COL5A2: variants seen among roughly 807,000 people sequenced by gnomAD.
The protein encoded by COL5A2 is collagen type V alpha 2 chain, also known as collagen alpha-2(V) chain.
In COL5A2, 23 loss-of-function variants were observed where a neutral mutation model predicts 208.2. The ratio of observed to expected loss-of-function variants is 0.11; its 90% confidence interval spans 0.08 to 0.16. COL5A2 has a LOEUF of 0.16. Among genes scored for constraint, COL5A2 ranks in the 10% least tolerant of loss-of-function variants. The pLI, the probability that COL5A2 is intolerant of heterozygous loss-of-function variation, is 1.00. For missense variants in COL5A2, 1,590 were observed against 1,956.4 expected (o/e 0.81, Z 3.53); for synonymous variants, 625 against 628.5 (o/e 0.99, Z 0.08).
chr2:189,399,940 A>G, the COL5A2 span, among the ~76,000 whole-genome samples: 2 of 152,122 alleles, frequency 1.3e-5, no homozygotes, highest in Non-Finnish European at 2.9e-5. Context: ...GGCTCAAGCA[A>G]TACTCCTGCC....
At chr2:189,154,019 C>T (rs1688196836) in intron 1 of COL5A2, among the ~76,000 whole-genome samples, 1 of 152,106 alleles carries the variant, frequency 6.6e-6, no homozygotes. Context: ...CTGGCACTTT[C>T]AGTCATATTA....
intron 1 of COL5A2, among the ~76,000 whole-genome samples, chr2:189,194,912 G>A (rs1408354988): frequency 1.3e-5 from 2 of 152,098 alleles, no homozygotes; most frequent in African/African-American, 4.8e-5. Context: ...ACTGATTTGT[G>A]TATGTTGAAC....
At chr2:189,251,091 C>A in the COL5A2 span, among the ~76,000 whole-genome samples, 2 of 152,004 alleles carry the variant, frequency 1.3e-5, no homozygotes, top group Admixed American at 1.3e-4. Flanking sequence ...TACATGTGAG[C>A]AAGTGTAGAA....
chr2:189,389,077 G>C, the COL5A2 span, among the ~76,000 whole-genome samples: 1 of 151,994 alleles, frequency 6.6e-6, no homozygotes, highest in Non-Finnish European at 1.5e-5. Flanking sequence ...TAAATTTTTA[G>C]GAGTTTTTTT....
chr2:189,089,834 AC>A lies in COL5A2; in HGVS notation c.568-1063del, dbSNP rs1461910968. ...GAATGATGCCCATACAAGACAATAA[AC>A]TTGATCAATAAATATTGTGTGTGTT... On this transcript the variant is annotated intron_variant, in intron 7 of 53. Coordinates refer to ENST00000374866, the MANE Select transcript of COL5A2 (RefSeq NM_000393.5). Among the ~76,000 whole-genome samples the A allele has an allele frequency of 5.3e-5, 8 of 152,288 alleles. 1 individual carries two copies. In the South Asian group the frequency reaches 1.7e-3, roughly 32 times the overall value.
At chr2:189,322,187 G>C in the COL5A2 span, among the ~76,000 whole-genome samples, 3 of 152,130 alleles carry the variant, frequency 2.0e-5, no homozygotes, top group African/African-American at 7.2e-5. Context: ...AGTGTGTAGA[G>C]GGAAATTTAT....
chr2:189,438,272 C>G, the COL5A2 span, among the ~76,000 whole-genome samples: 1 of 150,902 alleles, frequency 6.6e-6, no homozygotes, highest in South Asian at 2.1e-4. Context: ...TATGGAAATG[C>G]AAAAATAGTA....
At chr2:189,390,154 C>T in the COL5A2 span, among the ~76,000 whole-genome samples, 1 of 151,862 alleles carries the variant, frequency 6.6e-6, no homozygotes, top group Admixed American at 6.6e-5. Flanking sequence ...GAAGTAGGCC[C>T]CCTGAGGCTG....
At chr2:189,068,149 C>T (rs1686194129) in intron 20 of COL5A2, 36 bp from the exon 21 acceptor site, 1 of 1,604,092 alleles carries the variant, frequency 6.2e-7, no homozygotes, top group Non-Finnish European at 8.5e-7. Flanking sequence ...TAAGTAGAGA[C>T]ACAGGTAGCA....
At chr2:189,368,105 C>T in the COL5A2 span, among the ~76,000 whole-genome samples, 1 of 152,158 alleles carries the variant, frequency 6.6e-6, no homozygotes, top group Non-Finnish European at 1.5e-5. Context: ...TCTTGTTTCT[C>T]AGCAATCCTG....
the COL5A2 span, among the ~76,000 whole-genome samples, chr2:189,439,834 A>C: frequency 6.6e-6 from 1 of 152,256 alleles, no homozygotes; most frequent in Admixed American, 6.5e-5. Flanking sequence ...AGTCACACTA[A>C]TTTGAGTGAA....
At chr2:189,038,705 T>C (rs957279380) in intron 51 of COL5A2, among the ~76,000 whole-genome samples, 3 of 152,192 alleles carry the variant, frequency 2.0e-5, no homozygotes, top group African/African-American at 7.2e-5. Context: ...TTGTGACTTT[T>C]TTATTTTTTT....
chr2:189,257,158 C>T, the COL5A2 span, among the ~76,000 whole-genome samples: 2 of 152,186 alleles, frequency 1.3e-5, no homozygotes, highest in South Asian at 4.1e-4. Context: ...TTGTCCTCCA[C>T]ATGGTTGGAC....
chr2:189,315,981 G>C, the COL5A2 span, among the ~76,000 whole-genome samples: 3 of 152,134 alleles, frequency 2.0e-5, no homozygotes, highest in Non-Finnish European at 4.4e-5. Flanking sequence ...CAAGGTCGTG[G>C]AGAAAAAGGA....
intron 1 of COL5A2, among the ~76,000 whole-genome samples, chr2:189,191,458 T>G (rs1688927769): frequency 6.6e-6 from 1 of 151,914 alleles, no homozygotes; most frequent in South Asian, 2.1e-4. Context: ...CTGGCCAACA[T>G]GTTGAAACCC....
the COL5A2 span, among the ~76,000 whole-genome samples, chr2:189,230,837 T>C: frequency 6.6e-6 from 1 of 151,972 alleles, no homozygotes; most frequent in Non-Finnish European, 1.5e-5. Flanking sequence ...AGTTCACTTC[T>C]GGATATTTAT....
chr2:189,297,961 C>G, the COL5A2 span, among the ~76,000 whole-genome samples: 1 of 152,112 alleles, frequency 6.6e-6, no homozygotes, highest in Non-Finnish European at 1.5e-5. Flanking sequence ...CCATAACTTT[C>G]TAGTAACTTT....
chr2:189,379,378 C>G, the COL5A2 span, among the ~76,000 whole-genome samples: 4 of 152,154 alleles, frequency 2.6e-5, no homozygotes, highest in East Asian at 7.7e-4. Flanking sequence ...GTATACTTAA[C>G]TGCTGAGACA....
the COL5A2 span, among the ~76,000 whole-genome samples, chr2:189,372,203 G>T: frequency 3.3e-5 from 5 of 152,096 alleles, no homozygotes; most frequent in Non-Finnish European, 7.4e-5. Context: ...AATGGTATCA[G>T]AATTAAATTA....
Sources: allele counts gnomAD v4.1 joint callset (sites outside exome capture counted in the v4.1 genomes callset), GRCh38; gene constraint gnomAD v4.1.1; transcripts MANE v1.5; gene names NCBI Gene and HGNC (gene_info 2026-07-23, HGNC 2026-07-21).